The following MB21D2 variants were observed in gnomAD, a reference collection of about 807,000 sequenced individuals.
MB21D2 encodes nucleotidyltransferase MB21D2.
In MB21D2, 9 loss-of-function variants were observed where a neutral mutation model predicts 33.3. That is an observed-to-expected ratio of 0.27 (90% CI 0.16 to 0.47). The LOEUF (loss-of-function observed/expected upper bound fraction) is 0.47, where lower values mean the gene tolerates loss of function less well. MB21D2 is among the 20% of genes least tolerant of loss of function. The pLI is 0.99. For synonymous variants in MB21D2, 241 were observed against 236.3 expected, an observed-to-expected ratio of 1.02 and a Z score of -0.18; for missense variants, 540 against 624.6, an observed-to-expected ratio of 0.86 and a Z score of 1.44.
In MB21D2 at chr3:192,805,382, T is replaced by C. The variant is rs557576813; in HGVS notation, c.212-5732A>G. Among the ~76,000 whole-genome samples the C allele has an allele frequency of 7.9e-5, 12 of 152,310 alleles. No homozygotes were observed. The South Asian group carries it at 2.3e-3, about 29-fold the overall frequency. On this transcript the variant is annotated intron_variant, in intron 1 of 1. Transcript: ENST00000392452. ...AGTTTTTCAATAATATTCTGAGTTA[T>C]TAGTACTCACAATTAGGATAATATG...
At chr3:192,860,211 C>T (rs962105180) in intron 1 of MB21D2, among the ~76,000 whole-genome samples, 4 of 152,202 alleles carry the variant, frequency 2.6e-5, no homozygotes, top group Non-Finnish European at 4.4e-5. Context: ...CTCTTGGCTA[C>T]GTGCTGACCG....
chr3:192,887,142 TATCA>T lies in MB21D2; in HGVS notation c.211+30484_211+30487del, dbSNP rs1421403528. ...TGAACACTAACCAGACATTTGACGA[TATCA>T]ATGAACTTTACTTTTTAAGAGACAA... is the stretch of plus-strand genomic sequence containing the variant. On this transcript the variant is annotated intron_variant, in intron 1 of 1. Coordinates refer to ENST00000392452, the MANE Select transcript of MB21D2 (RefSeq NM_178496.4). 4.6e-5 allele frequency among the ~76,000 whole-genome samples: 7 copies of T among 152,242 alleles called. 1 individual carries two copies. The South Asian group carries it at 1.4e-3, about 32-fold the overall frequency.
intron 1 of MB21D2, among the ~76,000 whole-genome samples, chr3:192,902,366 T>A (rs1577202221): frequency 6.6e-6 from 1 of 152,220 alleles, no homozygotes; most frequent in Non-Finnish European, 1.5e-5. Flanking sequence ...GATGTCTGAA[T>A]CCAGCCTCTA....
At chr3:192,816,468 A>C (rs1167034329) in intron 1 of MB21D2, among the ~76,000 whole-genome samples, 1 of 152,196 alleles carries the variant, frequency 6.6e-6, no homozygotes, top group African/African-American at 2.4e-5. Flanking sequence ...ACTAGAGGTC[A>C]TGCCTTCCTA....
intron 1 of MB21D2, among the ~76,000 whole-genome samples, chr3:192,834,080 G>C (rs879482983): frequency 5.9e-5 from 9 of 152,110 alleles, no homozygotes; most frequent in Non-Finnish European, 1.2e-4. Context: ...CATGGTACAT[G>C]GCAGGTACTC....
At chr3:192,873,490 A>G (rs753178561) in intron 1 of MB21D2, among the ~76,000 whole-genome samples, 3 of 152,080 alleles carry the variant, frequency 2.0e-5, no homozygotes, top group Non-Finnish European at 4.4e-5. Flanking sequence ...CCCTACGCCA[A>G]ACTGAAAAGC....
chr3:192,888,847 G>A (rs1310480936), intron 1 of MB21D2, among the ~76,000 whole-genome samples: 4 of 152,008 alleles, frequency 2.6e-5, no homozygotes, highest in African/African-American at 9.7e-5. Flanking sequence ...TGATGTAAAG[G>A]AGAAGGTGCT....
chr3:192,814,674 A>G (rs947629457), intron 1 of MB21D2, among the ~76,000 whole-genome samples: 7 of 151,740 alleles, frequency 4.6e-5, no homozygotes, highest in South Asian at 2.1e-4. Context: ...CATCCTGGCT[A>G]ACACGGTGAA....
At chr3:192,868,967 A>C (rs1560244480) in intron 1 of MB21D2, among the ~76,000 whole-genome samples, 1 of 152,332 alleles carries the variant, frequency 6.6e-6, no homozygotes, top group Non-Finnish European at 1.5e-5. Flanking sequence ...GTAATTAGGT[A>C]GGCCACAGAC....
At chr3:192,836,153 T>G (rs907937673) in intron 1 of MB21D2, among the ~76,000 whole-genome samples, 1 of 152,184 alleles carries the variant, frequency 6.6e-6, no homozygotes, top group Non-Finnish European at 1.5e-5. Flanking sequence ...TAATATTAAA[T>G]AGAGGGCATT....
intron 1 of MB21D2, among the ~76,000 whole-genome samples, chr3:192,902,506 A>G (rs560584605): frequency 6.6e-6 from 1 of 152,340 alleles, no homozygotes; most frequent in East Asian, 1.9e-4. Context: ...TACTTGGAAC[A>G]TCGCCTAGCC....
In MB21D2 at chr3:192,798,346, C is replaced by G. The variant is rs767980303; in HGVS notation, c.*40G>C. The G allele has an allele frequency of 3.1e-6, 5 of 1,592,820 alleles. No individual in the cohort carries two copies. The East Asian group carries it at 1.1e-4, about 36-fold the overall frequency. ...CATCACAAACCACACGACACATTAT[C>G]AGAGTTTAAGAATCAGGAAAAAAAA... is the stretch of plus-strand genomic sequence containing the variant. On this transcript the variant is annotated 3_prime_UTR_variant, in exon 2 of 2. Coordinates refer to ENST00000392452, the MANE Select transcript of MB21D2 (RefSeq NM_178496.4). This position sits in a 1 kb window ranked among gnomAD's most constrained non-coding sequence, Gnocchi z 4.8.
At chr3:192,896,977 A>G (rs188282346) in intron 1 of MB21D2, among the ~76,000 whole-genome samples, 3 of 152,326 alleles carry the variant, frequency 2.0e-5, no homozygotes, top group Non-Finnish European at 4.4e-5. Flanking sequence ...TTCCCTTCTC[A>G]GATTTCTAAA....
intron 1 of MB21D2, among the ~76,000 whole-genome samples, chr3:192,842,443 A>G (rs770130884): frequency 4.6e-5 from 7 of 152,228 alleles, no homozygotes; most frequent in Non-Finnish European, 1.0e-4. Context: ...AATGCATTGC[A>G]CCACAAAATT....
At chr3:192,861,774 C>T (rs1325766190) in intron 1 of MB21D2, among the ~76,000 whole-genome samples, 1 of 152,168 alleles carries the variant, frequency 6.6e-6, no homozygotes, top group Non-Finnish European at 1.5e-5. Context: ...CATTGCACTC[C>T]AGCCTGGGCA....
chr3:192,841,840 C>A (rs1712579017), intron 1 of MB21D2, among the ~76,000 whole-genome samples: 1 of 152,158 alleles, frequency 6.6e-6, no homozygotes. Context: ...GTTAGGGGTT[C>A]TTTGTCAAAG....
chr3:192,809,403 C>G (rs1255735777), intron 1 of MB21D2, among the ~76,000 whole-genome samples: 1 of 152,058 alleles, frequency 6.6e-6, no homozygotes, highest in Non-Finnish European at 1.5e-5. Context: ...CCTAGTGTCC[C>G]CATTTTACAG....
intron 1 of MB21D2, among the ~76,000 whole-genome samples, chr3:192,878,635 G>A (rs147870650): frequency 2.1e-3 from 321 of 152,132 alleles, no homozygotes; most frequent in African/African-American, 7.4e-3. Flanking sequence ...TCTACTTTTC[G>A]GTCCTCGGCA....
chr3:192,878,965 CA>C (rs994444522), intron 1 of MB21D2, among the ~76,000 whole-genome samples: 2 of 151,672 alleles, frequency 1.3e-5, no homozygotes, highest in African/African-American at 4.8e-5. Context: ...CTCTGTCTCT[CA>C]AAAAAAGAAG....
Sources: gnomAD v4.1 joint callset for allele counts (sites outside exome capture counted in the v4.1 genomes callset) on GRCh38, gnomAD v4.1.1 for gene constraint, Gnocchi (gnomAD v3.1) non-coding constraint, MANE v1.5 for transcripts, NCBI Gene and HGNC (gene_info 2026-07-23, HGNC 2026-07-21) for gene names.